TNFSF13B: variants seen among roughly 807,000 people sequenced by gnomAD.
TNFSF13B encodes TNF superfamily member 13b, also known as tumor necrosis factor ligand superfamily member 13B.
In TNFSF13B, 8 loss-of-function variants were observed where a neutral mutation model predicts 29.1. That is an observed-to-expected ratio of 0.27 (90% confidence interval 0.16 to 0.50). The LOEUF is 0.50. TNFSF13B is among the 20% of genes least tolerant of loss of function. TNFSF13B has a pLI of 0.98. For synonymous variants in TNFSF13B, 125 were observed against 130.8 expected (o/e 0.96, Z 0.30); for missense variants, 248 against 334.9 (o/e 0.74, Z 2.03).
intron 2 of TNFSF13B, among the ~76,000 whole-genome samples, chr13:108,284,386 ACAAT>A (rs1304565112): frequency 1.3e-5 from 2 of 151,662 alleles, no homozygotes; most frequent in African/African-American, 2.4e-5. Context: ...AAACAAACAA[ACAAT>A]AAAAAAAGAC....
chr13:108,270,379 C>A lies in TNFSF13B; in HGVS notation c.379C>A (p.Gln127Lys). 1 of 1,614,108 alleles carries A rather than the reference C, an allele frequency of 6.2e-7. No homozygotes were observed. The highest frequency in any genetic ancestry group is 8.5e-7 in the Non-Finnish European group (1 of 1,179,984). ...AGCTCCAGGAGAAGGCAACTCCAGTCAGAACAGCAGAAATAAGCGTGCCGT... is the reference window on the plus strand; with the variant it reads ...AGCTCCAGGAGAAGGCAACTCCAGTAAGAACAGCAGAAATAAGCGTGCCGT... Reference protein sequence around the residue: ...PPAPGEGNSSQNSRNKRAVQG... With the variant: ...PPAPGEGNSSKNSRNKRAVQG... Residue 127 changes from glutamine to lysine, a missense_variant, in exon 2 of 6, where the codon CAG becomes AAG. This residue lies in a region of TNFSF13B where 186 missense variants were observed against 196.3 expected (regional missense o/e 0.95). Coordinates refer to ENST00000375887, the MANE Select transcript of TNFSF13B (RefSeq NM_006573.5).
chr13:108,286,228 C>T lies in TNFSF13B; in HGVS notation c.425-575C>T, dbSNP rs9583230. Among the ~76,000 whole-genome samples the T allele has an allele frequency of 8.0e-3, 1,211 of 152,294 alleles. 18 individuals are homozygous for T. Among genetic ancestry groups the T allele is most frequent in the African/African-American group, 0.027 (1,121 of 41,560 alleles). On this transcript the variant is annotated intron_variant, in intron 2 of 5. Coordinates refer to ENST00000375887, the MANE Select transcript of TNFSF13B (RefSeq NM_006573.5). ...TTTCTGTCTCTGATTCCTGAACAAG[C>T]TGTTTGCACTTTCCGAGCCTTAGTT...
At chr13:108,291,145 C>T (rs1488496333) in intron 3 of TNFSF13B, among the ~76,000 whole-genome samples, 2 of 151,608 alleles carry the variant, frequency 1.3e-5, no homozygotes, top group African/African-American at 4.8e-5. Flanking sequence ...ATTTTGGTTA[C>T]TAGGGCTTTG....
chr13:108,306,427 T>C (rs1881777193), intron 5 of TNFSF13B, among the ~76,000 whole-genome samples: 1 of 152,032 alleles, frequency 6.6e-6, no homozygotes, highest in Admixed American at 6.6e-5. Flanking sequence ...TATGTGTGTG[T>C]AATTTTTCAC....
rs1397461873 is a variant in TNFSF13B at position 108,286,795 on chromosome 13, C to G, written c.425-8C>G. The G allele has an allele frequency of 6.5e-7, 1 of 1,546,874 alleles. No homozygotes were observed. The highest frequency in any genetic ancestry group is 1.2e-5 in the South Asian group (1 of 83,754). On this transcript the variant is annotated splice_region_variant and splice_polypyrimidine_tract_variant and intron_variant, in intron 2 of 5. Transcript: ENST00000375887. ...AAGTAACTAAAATGATAAATTTTTG[C>G]TTTTTAGTCACTCAAGACTGCTTGC...
At chr13:108,304,411 G>A (rs1881713280) in intron 5 of TNFSF13B, among the ~76,000 whole-genome samples, 1 of 152,194 alleles carries the variant, frequency 6.6e-6, no homozygotes, top group African/African-American at 2.4e-5. Flanking sequence ...TTAGGAATGC[G>A]AAAGTGTAGG....
chr13:108,304,662 C>T (rs190290597), intron 5 of TNFSF13B, among the ~76,000 whole-genome samples: 5 of 152,184 alleles, frequency 3.3e-5, no homozygotes, highest in Admixed American at 2.6e-4. Flanking sequence ...AGATGGTTAC[C>T]GTGAATGACC....
intron 3 of TNFSF13B, among the ~76,000 whole-genome samples, chr13:108,292,906 G>A (rs1881362060): frequency 6.6e-6 from 1 of 152,062 alleles, no homozygotes; most frequent in South Asian, 2.1e-4. Context: ...GTCATTTGAG[G>A]CACAAGAGTG....
chr13:108,307,577 A>G lies in TNFSF13B; in HGVS notation c.*639A>G, dbSNP rs892384876. On this transcript the variant is annotated 3_prime_UTR_variant, in exon 6 of 6. Coordinates refer to ENST00000375887, the MANE Select transcript of TNFSF13B (RefSeq NM_006573.5). Reference sequence around the variant, plus strand: ...TTCAAGTATACAATTTCTATCTGTAATGTAATATATTACCCACACATTTTT... The same window carrying G: ...TTCAAGTATACAATTTCTATCTGTAGTGTAATATATTACCCACACATTTTT... 6.6e-6 allele frequency: 1 copy of G among 151,836 alleles called. No homozygotes were observed. Among genetic ancestry groups the G allele is most frequent in the Non-Finnish European group, 1.5e-5 (1 of 67,944 alleles). The allele number at this position is 151,836 out of a possible 1,614,324, so 9.4% of individuals were successfully genotyped here.
At chr13:108,303,716 A>C in intron 5 of TNFSF13B, 112 bp downstream of exon 5, 1 of 1,077,374 alleles carries the variant, frequency 9.3e-7, no homozygotes, top group Non-Finnish European at 1.3e-6. Flanking sequence ...ACAAATAGAC[A>C]GAAAGACATT....
At chr13:108,280,940 A>G (rs958642144) in intron 2 of TNFSF13B, among the ~76,000 whole-genome samples, 2 of 152,134 alleles carry the variant, frequency 1.3e-5, no homozygotes, top group African/African-American at 4.8e-5. Flanking sequence ...ATGCCGAGGT[A>G]TTTAGAGGTA....
intron 2 of TNFSF13B, among the ~76,000 whole-genome samples, chr13:108,280,165 C>G (rs1268475669): frequency 6.8e-6 from 1 of 147,192 alleles, no homozygotes; most frequent in African/African-American, 2.5e-5. Context: ...GAGATGGAAT[C>G]TAAATTGAAA....
chr13:108,297,216 T>C (rs1402597571), intron 3 of TNFSF13B, among the ~76,000 whole-genome samples: 1 of 145,896 alleles, frequency 6.9e-6, no homozygotes, highest in African/African-American at 2.6e-5. Context: ...TTCCCACATA[T>C]AGAATACATG....
rs1400644992 is a variant in TNFSF13B at position 108,308,435 on chromosome 13, G to A, written c.*1497G>A. 5.3e-5 allele frequency: 8 copies of A among 152,052 alleles called. No individual in the cohort carries two copies. The South Asian group carries it at 8.3e-4, about 16-fold the overall frequency. The allele number at this position is 152,052 out of a possible 1,614,324, so 9.4% of individuals were successfully genotyped here. ...GGTGGTTAATGATTTTTCTGGTGTT[G>A]CTGCTAATGTGGATTAACAAATAAA... On this transcript the variant is annotated 3_prime_UTR_variant, in exon 6 of 6. Coordinates refer to ENST00000375887, the MANE Select transcript of TNFSF13B (RefSeq NM_006573.5).
intron 3 of TNFSF13B, 130 bp downstream of exon 3, chr13:108,286,989 T>G: frequency 2.6e-6 from 1 of 388,682 alleles, no homozygotes; most frequent in Non-Finnish European, 4.6e-6. Flanking sequence ...TCATGTCCTT[T>G]GTAGGGACAT....
chr13:108,294,418 GATCTT>G (rs1881410403), intron 3 of TNFSF13B, among the ~76,000 whole-genome samples: 2 of 150,980 alleles, frequency 1.3e-5, no homozygotes, highest in South Asian at 2.1e-4. Context: ...GACCTCAAGA[GATCTT>G]CCTGCCTCAG....
At chr13:108,294,667 G>T (rs1881417481) in intron 3 of TNFSF13B, among the ~76,000 whole-genome samples, 1 of 147,464 alleles carries the variant, frequency 6.8e-6, no homozygotes. Flanking sequence ...GTTGATTCTG[G>T]CCTGTAGTTT....
chr13:108,277,002 G>C (rs1195449358), intron 2 of TNFSF13B, among the ~76,000 whole-genome samples: 1 of 152,010 alleles, frequency 6.6e-6, no homozygotes, highest in African/African-American at 2.4e-5. Flanking sequence ...AGAAACAGAA[G>C]GTTTCTCTTC....
At chr13:108,278,254 C>T (rs1009520236) in intron 2 of TNFSF13B, among the ~76,000 whole-genome samples, 4 of 152,000 alleles carry the variant, frequency 2.6e-5, no homozygotes, top group African/African-American at 9.7e-5. Flanking sequence ...GTGAGAGAGA[C>T]ATCAAGTTAA....
Sources: allele counts gnomAD v4.1 joint callset (sites outside exome capture counted in the v4.1 genomes callset), GRCh38; gene constraint gnomAD v4.1.1; regional missense constraint gnomAD v4.1.1; transcripts MANE v1.5; gene names NCBI Gene and HGNC (gene_info 2026-07-23, HGNC 2026-07-21).